STK36: variants seen among roughly 807,000 people sequenced by gnomAD.
The protein encoded by STK36 is serine/threonine-protein kinase 36.
Under a neutral mutation model 142.2 loss-of-function variants are expected in STK36, and 116 were observed. That is an observed-to-expected ratio of 0.82 (90% CI 0.70 to 0.95). STK36 has a LOEUF of 0.95. Among genes scored for constraint, STK36 ranks in the 40% least tolerant of loss-of-function variants. STK36 has a pLI of 0.00. For missense variants in STK36, 1,422 were observed against 1,617.2 expected, an observed-to-expected ratio of 0.88 and a Z score of 2.07; for synonymous variants, 619 against 641.7, an observed-to-expected ratio of 0.96 and a Z score of 0.53.
intron 23 of STK36, 81 bp downstream of exon 23, chr2:218,697,294 A>G (rs1477368066): frequency 6.5e-7 from 1 of 1,538,698 alleles, no homozygotes; most frequent in East Asian, 2.3e-5. Context: ...GTTAACCCAC[A>G]GAGGTTTATT....
chr2:218,702,141 G>T lies in STK36; in HGVS notation c.*132G>T. On this transcript the variant is annotated 3_prime_UTR_variant, in exon 27 of 27. Coordinates refer to ENST00000295709, the MANE Select transcript of STK36 (RefSeq NM_015690.5). Reference sequence around the variant, plus strand: ...AAGCTGCCAACTCAACTGAGAACAAGAAACTAGAAGAGATTTATATATAAA... The same window carrying T: ...AAGCTGCCAACTCAACTGAGAACAATAAACTAGAAGAGATTTATATATAAA... 9.0e-7 allele frequency: 1 copy of T among 1,105,772 alleles called. No homozygotes were observed. The highest frequency in any genetic ancestry group is 1.3e-6 in the Non-Finnish European group (1 of 796,954). The allele number at this position is 1,105,772 out of a possible 1,614,324, so 68.5% of individuals were successfully genotyped here. A position where few individuals can be genotyped will look rare whatever the true frequency, so the allele number is the denominator to read the frequency against.
rs201010018 is a variant in STK36 at position 218,699,170 on chromosome 2, G to A, written c.3626G>A (p.Arg1209Gln). 9.5e-5 allele frequency: 154 copies of A among 1,613,982 alleles called. No homozygotes were observed. The highest frequency in any genetic ancestry group is 4.0e-4 in the Admixed American group (24 of 60,004). Residue 1209 changes from arginine to glutamine, a missense_variant, in exon 26 of 27, where the codon CGG becomes CAG. This residue lies in a region of STK36 where 962 missense variants were observed against 1,167.5 expected (regional missense o/e 0.82). Transcript: ENST00000295709. Reference sequence around the variant, plus strand: ...CTTGGAGATCCTCAGGCTGGTATCCGGCGCAATGTTGCATCAGCTCTGGGC... The same window carrying A: ...CTTGGAGATCCTCAGGCTGGTATCCAGCGCAATGTTGCATCAGCTCTGGGC... Reference protein sequence around the residue: ...QLLGDPQAGIRRNVASALGNL... With the variant: ...QLLGDPQAGIQRNVASALGNL...
At chr2:218,696,952 C>T (rs989436566) in intron 22 of STK36, 87 bp from the exon 23 acceptor site, 2 of 1,554,474 alleles carry the variant, frequency 1.3e-6, no homozygotes. Flanking sequence ...ACTTCCTTTA[C>T]TTGTAAGTCA....
Position 218,698,878 on chromosome 2 carries a change from C to T in STK36, c.3334C>T (p.Arg1112Trp), listed in dbSNP as rs748829998. The T allele has an allele frequency of 9.9e-6, 16 of 1,614,094 alleles. No homozygotes were observed. The highest frequency in any genetic ancestry group is 2.2e-5 in the East Asian group (1 of 44,884). ...TCTGGCTGGCTCTGATGAATCCTAT[C>T]GGCCCCTGCGCAGCCTCCTGGGCCA... ...ELLAGSDESY[R>W]PLRSLLGHPE... Residue 1112 changes from arginine (R) to tryptophan (W), a missense_variant, in exon 26 of 27, where the codon CGG becomes TGG. Physicochemically the swap from Arg to Trp is moderately radical, Grantham distance 101. Coordinates refer to ENST00000295709, the MANE Select transcript of STK36 (RefSeq NM_015690.5).
intron 6 of STK36, among the ~76,000 whole-genome samples, chr2:218,678,472 A>G (rs1940357295): frequency 6.6e-6 from 1 of 152,198 alleles, no homozygotes. Context: ...CATTCTCCCT[A>G]TGGGCAGATA....
chr2:218,680,833 T>C, intron 10 of STK36, 131 bp downstream of exon 10: 1 of 645,990 alleles, frequency 1.5e-6, no homozygotes, highest in South Asian at 2.3e-5. Flanking sequence ...TATTGCTTTA[T>C]TATTATAGAT....
At chr2:218,687,577 T>C (rs1015115822) in intron 11 of STK36, among the ~76,000 whole-genome samples, 9 of 152,196 alleles carry the variant, frequency 5.9e-5, no homozygotes, top group African/African-American at 1.7e-4. Flanking sequence ...TTCCTCCTAG[T>C]GTTGGATAAC....
At chr2:218,680,431 G>A (rs376217130) in intron 9 of STK36, among the ~76,000 whole-genome samples, 172 bp from the exon 10 acceptor site, 2 of 152,134 alleles carry the variant, frequency 1.3e-5, no homozygotes, top group Admixed American at 6.5e-5. Context: ...TTGTGTAGTC[G>A]TCAACATATC....
At chr2:218,687,554 G>T (rs1411479429) in intron 11 of STK36, among the ~76,000 whole-genome samples, 4 of 152,090 alleles carry the variant, frequency 2.6e-5, no homozygotes, top group Admixed American at 6.6e-5. Context: ...TTGTCTTTTG[G>T]CGCTAACACG....
At chr2:218,691,666 C>G (rs1406808736) in intron 14 of STK36, among the ~76,000 whole-genome samples, 1 of 152,138 alleles carries the variant, frequency 6.6e-6, no homozygotes, top group Non-Finnish European at 1.5e-5. Context: ...AGCAATCCTC[C>G]CATCTCGGCC....
Position 218,702,304 on chromosome 2 carries a change from C to T in STK36, c.*295C>T. 4.1e-6 allele frequency: 1 copy of T among 244,980 alleles called. No individual in the cohort carries two copies. The highest frequency in any genetic ancestry group is 5.4e-5 in the Admixed American group (1 of 18,630). 15.2% of individuals were successfully genotyped at this position (244,980 alleles called of 1,614,324 possible). ...TGCCTTTAACTCTAGGGACCTGCCTCACGGACCTTAGGGAAAAACCTCAAC... is the reference window on the plus strand; with the variant it reads ...TGCCTTTAACTCTAGGGACCTGCCTTACGGACCTTAGGGAAAAACCTCAAC... On this transcript the variant is annotated 3_prime_UTR_variant, in exon 27 of 27. Coordinates refer to ENST00000295709, the MANE Select transcript of STK36 (RefSeq NM_015690.5).
At chr2:218,685,317 G>T in intron 11 of STK36, 89 bp downstream of exon 11, 1 of 1,530,444 alleles carries the variant, frequency 6.5e-7, no homozygotes. Context: ...GAAAGAGAAA[G>T]TTTGTCCTTT....
chr2:218,698,602 G>A lies in STK36; in HGVS notation c.3058G>A (p.Val1020Ile), dbSNP rs377258268. 1 of 1,613,146 alleles carries A rather than the reference G, an allele frequency of 6.2e-7. No homozygotes were observed. Among genetic ancestry groups the A allele is most frequent in the Non-Finnish European group, 8.5e-7 (1 of 1,179,498 alleles). ...DSEVAAHLLQ[V>I]CCYHLPLMQV... is the part of the protein sequence containing the mutation. Reference sequence around the variant, plus strand: ...ATCCTTTTACCTCCTGTTCTCTCAGGTCTGCTGCTACCATCTTCCGTTGAT... The same window carrying A: ...ATCCTTTTACCTCCTGTTCTCTCAGATCTGCTGCTACCATCTTCCGTTGAT... The change falls in exon 26 of 27, where the codon GTC (valine) becomes ATC (isoleucine). Residue 1020 changes from valine to isoleucine, a missense_variant and splice_region_variant. Physicochemically the swap from Val to Ile is conservative, Grantham distance 29. Around this residue, in one of 2 missense-constraint regions of STK36, gnomAD observed 962 missense variants for 1,167.5 expected, o/e 0.82. Transcript: ENST00000295709.
chr2:218,685,294 A>ACTGACTT, intron 11 of STK36, 66 bp downstream of exon 11: 1 of 1,587,594 alleles, frequency 6.3e-7, no homozygotes, highest in Non-Finnish European at 8.6e-7. Flanking sequence ...ATTGAAATAC[A>ACTGACTT]CTGACTTCAG....
In STK36 at chr2:218,672,743, G is replaced by C. The variant is rs953839669; in HGVS notation, c.-87G>C. 1.5e-6 allele frequency: 2 copies of C among 1,347,118 alleles called. No individual in the cohort carries two copies. Among genetic ancestry groups the C allele is most frequent in the East Asian group, 4.6e-5 (2 of 43,246 alleles). The allele number at this position is 1,347,118 out of a possible 1,614,324, so 83.4% of individuals were successfully genotyped here. On this transcript the variant is annotated splice_region_variant and 5_prime_UTR_variant, in exon 2 of 27. Coordinates refer to ENST00000295709, the MANE Select transcript of STK36 (RefSeq NM_015690.5). ...TTCCTTTCCCGTGCCCCAACTAGGC[G>C]TCCCAGATGTTGTGGAACTGTCCCT...
intron 10 of STK36, among the ~76,000 whole-genome samples, chr2:218,682,480 A>T (rs1261235407): frequency 6.6e-6 from 1 of 152,232 alleles, no homozygotes; most frequent in Non-Finnish European, 1.5e-5. Flanking sequence ...ATAATAGATT[A>T]ATTAAACTAA....
intron 11 of STK36, 184 bp from the exon 12 acceptor site, chr2:218,688,513 T>G (rs1173338274): frequency 1.0e-5 from 7 of 699,920 alleles, no homozygotes; most frequent in Non-Finnish European, 1.7e-5. Flanking sequence ...CCATCTATTG[T>G]CTTCTTCCCT....
Position 218,701,905 on chromosome 2 carries a change from C to G in STK36, c.3844C>G (p.Leu1282Val). ...GGGTGCCAGTGAGAAACTATCCTTG[C>G]TCTCTCTGGGGAATCAGTCACTGCC... ...SLGASEKLSL[L>V]SLGNQSLPHS... Residue 1282 changes from leucine (L) to valine (V), a missense_variant, in exon 27 of 27, where the codon CTC (leucine) becomes GTC (valine). Coordinates refer to ENST00000295709, the MANE Select transcript of STK36 (RefSeq NM_015690.5). 6.2e-7 allele frequency: 1 copy of G among 1,614,162 alleles called. No individual in the cohort carries two copies. The highest frequency in any genetic ancestry group is 1.1e-5 in the South Asian group (1 of 91,078).
At chr2:218,684,685 T>C (rs1940699854) in intron 10 of STK36, 1 of 155,478 alleles carries the variant, frequency 6.4e-6, no homozygotes, top group Admixed American at 6.4e-5. Flanking sequence ...CCTCCCAAAG[T>C]GGTGGGATTA....
Sources: allele counts gnomAD v4.1 joint callset (sites outside exome capture counted in the v4.1 genomes callset), GRCh38; gene constraint gnomAD v4.1.1; regional missense constraint gnomAD v4.1.1; transcripts MANE v1.5; gene names NCBI Gene and HGNC (gene_info 2026-07-23, HGNC 2026-07-21).